UPRT: variants seen among roughly 807,000 people sequenced by gnomAD.
UPRT encodes uracil phosphoribosyltransferase homolog, also known as RP11-311P8.3.
A neutral mutation model predicts 22.6 loss-of-function variants in UPRT; 5 were observed. The observed-to-expected ratio is 0.22, with a 90% CI of 0.12 to 0.47. The LOEUF (loss-of-function observed/expected upper bound fraction) is 0.47, where lower values mean the gene tolerates loss of function less well. Among genes scored for constraint, UPRT ranks in the 20% least tolerant of loss-of-function variants. The pLI, the probability that UPRT is intolerant of heterozygous loss-of-function variation, is 0.99. For missense variants in UPRT, 181 were observed against 239.9 expected (o/e 0.75, Z 1.62); for synonymous variants, 77 against 87.7 (o/e 0.88, Z 0.68).
rs905649217 is a variant in UPRT, at chrX:75,274,359, C to T, written c.105C>T (p.Ile35=). The T allele has an allele frequency of 8.3e-7, 1 of 1,211,600 alleles. No homozygotes were observed. Among genetic ancestry groups the T allele is most frequent in the Non-Finnish European group, 1.1e-6 (1 of 895,467 alleles). Residue 35 remains isoleucine, a synonymous_variant, in exon 1 of 7, where the codon ATC becomes ATT. Coordinates refer to ENST00000373383, the MANE Select transcript of UPRT (RefSeq NM_145052.4). ...SPEQLRPGDL[I]LDHAGGNRAS... ...AGCAGCTGCGACCTGGCGATCTGAT[C>T]CTGGACCACGCAGGGGGAAACAGAG...
At chrX:75,258,226 T>C (rs2082555879) in intron 4 of UPRT, among the ~76,000 whole-genome samples, 1 of 103,815 alleles carries the variant, frequency 9.6e-6, no homozygotes, top group Non-Finnish European at 2.0e-5. Context: ...TTCTTTCTTT[T>C]TTTTTTTTCC....
At chrX:75,272,319 T>TATGTATAC (rs369391024), upstream of UPRT, among the ~76,000 whole-genome samples, 1 of 88,344 alleles carries the variant, frequency 1.1e-5, no homozygotes, top group Non-Finnish European at 2.1e-5. Context: ...TGTGTATATA[T>TATGTATAC]ACATATATAT....
chrX:75,230,887 C>A (rs1226795704), intron 4 of UPRT, among the ~76,000 whole-genome samples: 1 of 112,127 alleles, frequency 8.9e-6, no homozygotes, highest in African/African-American at 3.2e-5. Flanking sequence ...GAAGCCCTAT[C>A]CTTAGAGGAA....
intron 4 of UPRT, among the ~76,000 whole-genome samples, chrX:75,209,412 C>CGCCCAGGCTGGTGT (rs1349434127): frequency 9.0e-6 from 1 of 110,925 alleles, no homozygotes. Context: ...TCGCTCTTGT[C>CGCCCAGGCTGGTGT]GCCCAGGCTG....
chrX:75,238,637 T>A (rs1290597906), intron 4 of UPRT, among the ~76,000 whole-genome samples: 1 of 111,403 alleles, frequency 9.0e-6, no homozygotes, highest in African/African-American at 3.3e-5. Flanking sequence ...ATACAGAACA[T>A]TCTACCCAAC....
chrX:75,219,898 G>A (rs979780062), intron 4 of UPRT, among the ~76,000 whole-genome samples: 1 of 111,732 alleles, frequency 8.9e-6, no homozygotes, highest in Admixed American at 9.5e-5. Flanking sequence ...GTCATTGGAT[G>A]AAGTGTTCTG....
intron 4 of UPRT, among the ~76,000 whole-genome samples, chrX:75,172,223 G>C (rs1460786459): frequency 9.0e-6 from 1 of 111,128 alleles, no homozygotes; most frequent in Non-Finnish European, 1.9e-5. Flanking sequence ...GGTTAGGCAT[G>C]TACGAGCTCA....
At chrX:75,271,996 G>T (rs1461193054), upstream of UPRT, among the ~76,000 whole-genome samples, 3 of 110,261 alleles carry the variant, frequency 2.7e-5, no homozygotes, top group Non-Finnish European at 5.7e-5. Context: ...AAAAATAGTA[G>T]ATGTTGGCAT....
chrX:75,295,629 A>G lies in UPRT; in HGVS notation c.430-713A>G, dbSNP rs1162541921. Among the ~76,000 whole-genome samples, 14 of 112,223 alleles carry G rather than the reference A, an allele frequency of 1.2e-4. 1 individual carries two copies. In the Admixed American group the frequency reaches 1.3e-3, roughly 11 times the overall value. ...GTTGCAGATTCTCAATCAGTAATGT[A>G]ATGTTGATTGGATAAAATGTGCATT... On this transcript the variant is annotated intron_variant, in intron 2 of 6. Coordinates refer to ENST00000373383, the MANE Select transcript of UPRT (RefSeq NM_145052.4).
chrX:75,280,544 A>G (rs763460212), intron 1 of UPRT, among the ~76,000 whole-genome samples: 1 of 111,550 alleles, frequency 9.0e-6, no homozygotes, highest in East Asian at 2.8e-4. Flanking sequence ...TCCCCACTTC[A>G]TATTTTTGTT....
chrX:75,190,116 C>T (rs981276537), intron 4 of UPRT, among the ~76,000 whole-genome samples: 4 of 111,884 alleles, frequency 3.6e-5, no homozygotes, highest in Non-Finnish European at 5.6e-5. Flanking sequence ...TGGCTGATAC[C>T]GGTTGTTCCT....
At chrX:75,272,588 G>T (rs2082614976), upstream of UPRT, among the ~76,000 whole-genome samples, 1 of 107,678 alleles carries the variant, frequency 9.3e-6, no homozygotes, top group Admixed American at 1.0e-4. Flanking sequence ...TGGAGGAAAA[G>T]GGTGGGAAGG....
intron 4 of UPRT, among the ~76,000 whole-genome samples, chrX:75,214,049 A>G (rs1198038432): frequency 8.9e-6 from 1 of 112,049 alleles, no homozygotes; most frequent in East Asian, 2.8e-4. Context: ...AGCTCACACA[A>G]AACATTCGCC....
chrX:75,189,332 C>T (rs928527989), intron 4 of UPRT, among the ~76,000 whole-genome samples: 1 of 112,244 alleles, frequency 8.9e-6, no homozygotes, highest in African/African-American at 3.2e-5. Flanking sequence ...TTTGATTGCA[C>T]TGTAGTCTGA....
chrX:75,218,222 G>A (rs1276374144), intron 4 of UPRT, among the ~76,000 whole-genome samples: 1 of 111,107 alleles, frequency 9.0e-6, no homozygotes, highest in Non-Finnish European at 1.9e-5. Context: ...CAAAAAGTGG[G>A]TGAAGGACAT....
At chrX:75,221,044 G>A (rs2082408657) in intron 4 of UPRT, among the ~76,000 whole-genome samples, 2 of 111,586 alleles carry the variant, frequency 1.8e-5, no homozygotes, top group Non-Finnish European at 3.8e-5. Context: ...GTCTAGGAAA[G>A]TATTTTTCTT....
intron 2 of UPRT, among the ~76,000 whole-genome samples, chrX:75,162,174 A>T (rs1224976809): frequency 9.6e-6 from 1 of 104,682 alleles, no homozygotes; most frequent in Non-Finnish European, 1.9e-5. Context: ...CTGGTCTCGA[A>T]CTCCTGACCT....
chrX:75,190,815 G>T (rs910758332), intron 4 of UPRT, among the ~76,000 whole-genome samples: 12 of 111,660 alleles, frequency 1.1e-4, no homozygotes, highest in African/African-American at 3.9e-4. Flanking sequence ...TCATGCCATG[G>T]TTTTCAGCTC....
At chrX:75,218,899 A>T (rs1602458249) in intron 4 of UPRT, among the ~76,000 whole-genome samples, 1 of 110,196 alleles carries the variant, frequency 9.1e-6, no homozygotes, top group East Asian at 2.9e-4. Flanking sequence ...GGGGTGGGGG[A>T]ACGGGGGAGG....
Sources: gnomAD v4.1 joint callset for allele counts (sites outside exome capture counted in the v4.1 genomes callset) on GRCh38, gnomAD v4.1.1 for gene constraint, MANE v1.5 for transcripts, NCBI Gene and HGNC (gene_info 2026-07-23, HGNC 2026-07-21) for gene names.